Variants in ZNF521 observed in about 807,000 individuals in gnomAD.
ZNF521 encodes the protein LYST-interacting protein 3.
Under a neutral mutation model 105.5 loss-of-function variants are expected in ZNF521, and 14 were observed. The observed-to-expected ratio is 0.13, with a 90% confidence interval of 0.09 to 0.21. The LOEUF is 0.21. ZNF521 is among the 10% of genes least tolerant of loss of function. The pLI is 1.00. For synonymous variants in ZNF521, 635 were observed against 606.0 expected, an observed-to-expected ratio of 1.05 and a Z score of -0.70; for missense variants, 1,233 against 1,629.7, an observed-to-expected ratio of 0.76 and a Z score of 4.19.
intron 5 of ZNF521, among the ~76,000 whole-genome samples, chr18:25,176,146 T>C (rs181868199): frequency 2.6e-4 from 40 of 152,332 alleles, no homozygotes; most frequent in African/African-American, 7.9e-4. Flanking sequence ...AGTCTTTTTA[T>C]GGCTCCATTT....
In ZNF521 at chr18:25,224,339, A is replaced by G; in HGVS notation, c.3573+6T>C. The G allele has an allele frequency of 6.2e-7, 1 of 1,600,584 alleles. No individual in the cohort carries two copies. The highest frequency in any genetic ancestry group is 1.3e-5 in the African/African-American group (1 of 74,378). ...TAAATAGCAAACATTAAAAAAGGCGAGTTACCTCATCCGACTGGGAGGGAC... is the reference window on the plus strand; with the variant it reads ...TAAATAGCAAACATTAAAAAAGGCGGGTTACCTCATCCGACTGGGAGGGAC... On this transcript the variant is annotated splice_donor_region_variant and intron_variant, in intron 4 of 7. Coordinates refer to ENST00000361524, the MANE Select transcript of ZNF521 (RefSeq NM_015461.3).
chr18:25,306,242 G>A (rs1373588534), intron 3 of ZNF521, among the ~76,000 whole-genome samples: 4 of 152,026 alleles, frequency 2.6e-5, no homozygotes, highest in African/African-American at 9.7e-5. Context: ...TTAAGCTAAT[G>A]GAATTTTTAA....
chr18:25,250,329 C>T (rs1239578511), intron 3 of ZNF521, among the ~76,000 whole-genome samples: 2 of 152,146 alleles, frequency 1.3e-5, no homozygotes, highest in Non-Finnish European at 2.9e-5. Context: ...AAAGAGCCAT[C>T]CCTCAGCTTT....
At chr18:25,190,633 T>C (rs955802265) in intron 5 of ZNF521, among the ~76,000 whole-genome samples, 1 of 152,158 alleles carries the variant, frequency 6.6e-6, no homozygotes, top group African/African-American at 2.4e-5. Context: ...TAATGAAGAT[T>C]AGTCACATAG....
chr18:25,267,331 G>A (rs1031347462), intron 3 of ZNF521, among the ~76,000 whole-genome samples: 1 of 152,186 alleles, frequency 6.6e-6, no homozygotes, highest in African/African-American at 2.4e-5. Context: ...CTTGGGGGAA[G>A]GGTCAGCTGT....
intron 3 of ZNF521, chr18:25,273,708 G>A (rs1271809067): frequency 6.6e-6 from 1 of 152,152 alleles, no homozygotes; most frequent in Non-Finnish European, 1.5e-5. Context: ...TAACTACTTA[G>A]TATATATGGA....
At chr18:25,329,551 CA>C (rs1913428782) in intron 2 of ZNF521, among the ~76,000 whole-genome samples, 2 of 152,106 alleles carry the variant, frequency 1.3e-5, no homozygotes, top group Non-Finnish European at 2.9e-5. Context: ...ATACGTAAAA[CA>C]ACATGATGAC....
intron 7 of ZNF521, among the ~76,000 whole-genome samples, chr18:25,087,734 A>T (rs1031010173): frequency 6.6e-5 from 10 of 152,194 alleles, no homozygotes; most frequent in African/African-American, 2.4e-4. Context: ...CAATAGTCTA[A>T]CTTGGCCCAT....
At chr18:25,287,333 C>A (rs1429903260) in intron 3 of ZNF521, among the ~76,000 whole-genome samples, 3 of 152,186 alleles carry the variant, frequency 2.0e-5, no homozygotes, top group Non-Finnish European at 4.4e-5. Context: ...GCTCTTCCTG[C>A]CTTTCCTAGT....
intron 3 of ZNF521, among the ~76,000 whole-genome samples, chr18:25,239,594 C>T (rs1907165817): frequency 6.6e-6 from 1 of 152,178 alleles, no homozygotes; most frequent in South Asian, 2.1e-4. Context: ...CTATATTCAG[C>T]AATACTTTCT....
chr18:25,240,021 C>T (rs1430710964), intron 3 of ZNF521, among the ~76,000 whole-genome samples: 1 of 151,998 alleles, frequency 6.6e-6, no homozygotes, highest in Non-Finnish European at 1.5e-5. Context: ...GAGGAGAACC[C>T]ATACTTATCA....
chr18:25,263,572 CTTTG>C (rs954112853), intron 3 of ZNF521, among the ~76,000 whole-genome samples: 6 of 151,380 alleles, frequency 4.0e-5, no homozygotes, highest in East Asian at 2.0e-4. Flanking sequence ...AGGTCAACAA[CTTTG>C]TTTGTTTGTT....
intron 5 of ZNF521, among the ~76,000 whole-genome samples, chr18:25,112,121 C>T (rs1365609085): frequency 6.6e-6 from 1 of 152,204 alleles, no homozygotes; most frequent in East Asian, 1.9e-4. Flanking sequence ...GCCTACTCTC[C>T]TGTCCTCTTC....
intron 2 of ZNF521, among the ~76,000 whole-genome samples, chr18:25,346,348 GA>G (rs373114660): frequency 6.6e-6 from 1 of 151,596 alleles, no homozygotes; most frequent in Non-Finnish European, 1.5e-5. Flanking sequence ...GAACATAAGA[GA>G]AAAAAATGTG....
At chr18:25,153,727 G>A (rs1394329924) in intron 5 of ZNF521, among the ~76,000 whole-genome samples, 1 of 152,164 alleles carries the variant, frequency 6.6e-6, no homozygotes, top group Non-Finnish European at 1.5e-5. Flanking sequence ...ACAGGCAGAT[G>A]GATCGTCTAA....
chr18:25,287,248 G>A (rs1910759006), intron 3 of ZNF521, among the ~76,000 whole-genome samples: 1 of 152,164 alleles, frequency 6.6e-6, no homozygotes, highest in Non-Finnish European at 1.5e-5. Flanking sequence ...ATGCAACTGA[G>A]GAGAGAGCAG....
intron 5 of ZNF521, among the ~76,000 whole-genome samples, chr18:25,120,227 G>A (rs1442703999): frequency 6.6e-6 from 1 of 152,182 alleles, no homozygotes; most frequent in African/African-American, 2.4e-5. Context: ...AAACTCTTCA[G>A]AAATTCCTCT....
rs1391758439 is a variant in ZNF521, at chr18:25,227,715, G to A, written c.221-18C>T. 1 of 1,594,430 alleles carries A rather than the reference G, an allele frequency of 6.3e-7. No individual in the cohort carries two copies. Among genetic ancestry groups the A allele is most frequent in the South Asian group, 1.1e-5 (1 of 88,306 alleles). On this transcript the variant is annotated intron_variant, in intron 3 of 7. Transcript: ENST00000361524. The surrounding 1 kb of genome is among the most constrained non-coding windows in gnomAD (Gnocchi z 5.7). Reference sequence around the variant, plus strand: ...CACTCCATCTGCAACAAGAAGCAATGACAAATTTCATCTGACATGTTGAGA... The same window carrying A: ...CACTCCATCTGCAACAAGAAGCAATAACAAATTTCATCTGACATGTTGAGA...
chr18:25,244,222 A>T (rs1412559060), intron 3 of ZNF521, among the ~76,000 whole-genome samples: 1 of 152,058 alleles, frequency 6.6e-6, no homozygotes, highest in Non-Finnish European at 1.5e-5. Context: ...GCCAGTGCAG[A>T]AGTTCTCCTG....
Sources: gnomAD v4.1 joint callset for allele counts (sites outside exome capture counted in the v4.1 genomes callset) on GRCh38, gnomAD v4.1.1 for gene constraint, Gnocchi (gnomAD v3.1) non-coding constraint, MANE v1.5 for transcripts, NCBI Gene and HGNC (gene_info 2026-07-23, HGNC 2026-07-21) for gene names.